ABLIM2: variants seen among roughly 807,000 people sequenced by gnomAD.
ABLIM2 encodes the protein actin-binding LIM protein 2.
ABLIM2 carries 53 observed loss-of-function variants against 97.7 expected under a neutral mutation model. That is an observed-to-expected ratio of 0.54 (90% CI 0.44 to 0.68). The LOEUF (loss-of-function observed/expected upper bound fraction) is 0.68, where lower values mean the gene tolerates loss of function less well. ABLIM2 is among the 30% of genes least tolerant of loss of function. ABLIM2 has a pLI of 0.00. For synonymous variants in ABLIM2, 361 were observed against 345.8 expected (o/e 1.04, Z -0.49); for missense variants, 835 against 867.2 (o/e 0.96, Z 0.47).
At position 8,029,623 on chromosome 4, in the gene ABLIM2, C is replaced by T. The variant is rs1484134454; in HGVS notation, c.1168+33G>A. The T allele has an allele frequency of 4.2e-6, 6 of 1,441,180 alleles. No individual in the cohort carries two copies. In the South Asian group the frequency reaches 8.4e-5, roughly 20 times the overall value. 89.3% of individuals were successfully genotyped at this position (1,441,180 alleles called of 1,614,324 possible). A position where few individuals can be genotyped will look rare whatever the true frequency, so the allele number is the denominator to read the frequency against. On this transcript the variant is annotated intron_variant, in intron 11 of 20. Transcript: ENST00000447017. ...AAAAAAAAAGGAAAAGGACAGCATCCTGGGGGCTCAGAGGAACCAGGGGGC... is the reference window on the plus strand; with the variant it reads ...AAAAAAAAAGGAAAAGGACAGCATCTTGGGGGCTCAGAGGAACCAGGGGGC...
chr4:8,067,335 G>A lies in ABLIM2; in HGVS notation c.676-6281C>T, dbSNP rs1808610423. ...ACACAGGAAAAGGAAGGGTCGCAGA[G>A]CTCCTAGTGAGCTGGGGGCAGAGAC... is the stretch of plus-strand genomic sequence containing the variant. On this transcript the variant is annotated intron_variant, in intron 6 of 20. Transcript: ENST00000447017. The surrounding 1 kb of genome is among the most constrained non-coding windows in gnomAD (Gnocchi z 5.4). 6.6e-6 allele frequency: 1 copy of A among 152,446 alleles called. No individual in the cohort carries two copies. The highest frequency in any genetic ancestry group is 1.5e-5 in the Non-Finnish European group (1 of 68,206). 9.4% of individuals were successfully genotyped at this position (152,446 alleles called of 1,614,324 possible). A position where few individuals can be genotyped will look rare whatever the true frequency, so the allele number is the denominator to read the frequency against.
At chr4:7,981,012 C>T (rs1326410968) in intron 20 of ABLIM2, among the ~76,000 whole-genome samples, 9 of 140,008 alleles carry the variant, frequency 6.4e-5, no homozygotes, top group African/African-American at 1.4e-4. Context: ...GGCACGATCT[C>T]GGCTCACTGC....
rs557210970 is a variant in ABLIM2 at position 8,068,059 on chromosome 4, C to T, written c.676-7005G>A. Among the ~76,000 whole-genome samples, 5 of 152,096 alleles carry T rather than the reference C, an allele frequency of 3.3e-5. No individual in the cohort carries two copies. The South Asian group carries it at 1.0e-3, about 32-fold the overall frequency. ...CCCTGTGTCACCTCCTGTTGTCATTCCCATTCTCTCATAGTGACTGGGGCG... is the reference window on the plus strand; with the variant it reads ...CCCTGTGTCACCTCCTGTTGTCATTTCCATTCTCTCATAGTGACTGGGGCG... On this transcript the variant is annotated intron_variant, in intron 6 of 20. Transcript: ENST00000447017. The surrounding 1 kb of genome is among the most constrained non-coding windows in gnomAD (Gnocchi z 4.5).
rs912124008 is a variant in ABLIM2 at position 8,087,466 on chromosome 4, C to T, written c.454+703G>A. On this transcript the variant is annotated intron_variant, in intron 4 of 20. Transcript: ENST00000447017. This position sits in a 1 kb window ranked among gnomAD's most constrained non-coding sequence, Gnocchi z 4.6. ...ACTGCATACACACCTGGCCTAACTC[C>T]TGGGAGGTGGAGCAGTGAACCCAAG... 2.6e-5 allele frequency among the ~76,000 whole-genome samples: 4 copies of T among 152,202 alleles called. No individual in the cohort carries two copies. Among genetic ancestry groups the T allele is most frequent in the Non-Finnish European group, 5.9e-5 (4 of 68,024 alleles).
chr4:8,084,401 TCTC>T (rs886843837), intron 4 of ABLIM2, among the ~76,000 whole-genome samples: 1 of 151,992 alleles, frequency 6.6e-6, no homozygotes, highest in African/African-American at 2.4e-5. Context: ...ACCTCGAGGC[TCTC>T]CTGTTTCCCA....
chr4:8,099,779 A>G (rs1371295049), intron 2 of ABLIM2, among the ~76,000 whole-genome samples: 1 of 152,116 alleles, frequency 6.6e-6, no homozygotes, highest in Non-Finnish European at 1.5e-5. Flanking sequence ...TGGGAGGCGG[A>G]GCTTGCAGTG....
At chr4:8,056,787 CT>C (rs1237104100) in intron 7 of ABLIM2, among the ~76,000 whole-genome samples, 1 of 151,598 alleles carries the variant, frequency 6.6e-6, no homozygotes, top group South Asian at 2.1e-4. Flanking sequence ...AAAAAATTAG[CT>C]GGGCATGGTG....
chr4:8,018,367 TG>T (rs1312303474), intron 14 of ABLIM2, among the ~76,000 whole-genome samples: 1 of 152,244 alleles, frequency 6.6e-6, no homozygotes, highest in Non-Finnish European at 1.5e-5. Context: ...CTCCTTCTTT[TG>T]GCCAGGCCTC....
At chr4:8,073,338 C>A (rs1813691045) in intron 6 of ABLIM2, among the ~76,000 whole-genome samples, 1 of 150,956 alleles carries the variant, frequency 6.6e-6, no homozygotes. Flanking sequence ...CTTTGTCAAG[C>A]AGAAGACAAG....
In ABLIM2 at chr4:8,082,367, G is replaced by A. The variant is rs555793759; in HGVS notation, c.455-1565C>T. Among the ~76,000 whole-genome samples the A allele has an allele frequency of 2.0e-5, 3 of 152,280 alleles. No homozygotes were observed. The highest frequency in any genetic ancestry group is 2.1e-4 in the South Asian group (1 of 4,824). On this transcript the variant is annotated intron_variant, in intron 4 of 20. Coordinates refer to ENST00000447017, the MANE Select transcript of ABLIM2 (RefSeq NM_001130083.2). The surrounding 1 kb of genome is among the most constrained non-coding windows in gnomAD (Gnocchi z 5.6). ...TCACCTCCTCACTTGGTGCCTGCCC[G>A]GATCCAGTGCTAATTTACACAGAAG...
chr4:7,975,426 C>T (rs1170416135), intron 20 of ABLIM2, among the ~76,000 whole-genome samples: 1 of 152,176 alleles, frequency 6.6e-6, no homozygotes, highest in Non-Finnish European at 1.5e-5. Flanking sequence ...ACAGCTTCTC[C>T]ACACTCCTGC....
Position 8,097,164 on chromosome 4 carries a change from C to T in ABLIM2, c.273G>A (p.Glu91=). 6.2e-7 allele frequency: 1 copy of T among 1,610,226 alleles called. No homozygotes were observed. Residue 91 remains glutamate (E), a synonymous_variant, in exon 3 of 21, where the codon GAG becomes GAA. Coordinates refer to ENST00000447017, the MANE Select transcript of ABLIM2 (RefSeq NM_001130083.2). ...TRCFSCDQFI[E]GEVVSALGKT... ...TGCCCAGCGCCGACACCACCTCACC[C>T]TCAATGAACTGGTCGCAGCTGAAGC... is the stretch of plus-strand genomic sequence containing the variant.
In ABLIM2 at chr4:8,071,107, C is replaced by A. The variant is rs954729785; in HGVS notation, c.675+6521G>T. Among the ~76,000 whole-genome samples the A allele has an allele frequency of 6.6e-6, 1 of 152,182 alleles. No homozygotes were observed. Among genetic ancestry groups the A allele is most frequent in the African/African-American group, 2.4e-5 (1 of 41,442 alleles). ...CCTTTATGCAGCCCTGGTCTAGAGG[C>A]TGGTCACACCGCTGTCCCCGTGGAT... On this transcript the variant is annotated intron_variant, in intron 6 of 20. Transcript: ENST00000447017. This position sits in a 1 kb window ranked among gnomAD's most constrained non-coding sequence, Gnocchi z 6.2.
At position 8,113,455 on chromosome 4, in the gene ABLIM2, C is replaced by T. The variant is rs1309470500; in HGVS notation, c.11-6818G>A. Among the ~76,000 whole-genome samples the T allele has an allele frequency of 4.6e-5, 7 of 152,196 alleles. No homozygotes were observed. The highest frequency in any genetic ancestry group is 1.7e-4 in the African/African-American group (7 of 41,438). The stretch of plus-strand genomic sequence containing the variant: ...CCACGGATCTATATTTAGTTCCACC[C>T]TTCTCTAAGGGCCCAGTGAACTTTG... On this transcript the variant is annotated intron_variant, in intron 1 of 20. Coordinates refer to ENST00000447017, the MANE Select transcript of ABLIM2 (RefSeq NM_001130083.2). This position sits in a 1 kb window ranked among gnomAD's most constrained non-coding sequence, Gnocchi z 4.5.
chr4:8,076,200 C>T (rs1010824982), intron 6 of ABLIM2, among the ~76,000 whole-genome samples: 7 of 152,230 alleles, frequency 4.6e-5, no homozygotes, highest in African/African-American at 9.6e-5. Flanking sequence ...CCCGTCTCCC[C>T]GCCAGGTAGA....
chr4:8,105,857 T>C (rs1273471849), intron 2 of ABLIM2, among the ~76,000 whole-genome samples: 1 of 152,208 alleles, frequency 6.6e-6, no homozygotes, highest in Non-Finnish European at 1.5e-5. Flanking sequence ...TATCTTTGTA[T>C]AGGAAGGAGG....
chr4:7,972,156 C>T (rs1728635140), intron 20 of ABLIM2, among the ~76,000 whole-genome samples: 1 of 152,210 alleles, frequency 6.6e-6, no homozygotes, highest in Non-Finnish European at 1.5e-5. Context: ...CCTCCATACC[C>T]CGGGACCTCT....
rs1811796624 is a variant in ABLIM2, at chr4:8,071,219, C to T, written c.675+6409G>A. ...CTGCCACAGTTGCTGCCAGGCGCCA[C>T]CCACCTCTGCTGCCCCAGCCCAGTG... On this transcript the variant is annotated intron_variant, in intron 6 of 20. Transcript: ENST00000447017. This position sits in a 1 kb window ranked among gnomAD's most constrained non-coding sequence, Gnocchi z 6.2. Among the ~76,000 whole-genome samples the T allele has an allele frequency of 6.6e-6, 1 of 152,158 alleles. No homozygotes were observed. The highest frequency in any genetic ancestry group is 2.4e-5 in the African/African-American group (1 of 41,434).
intron 12 of ABLIM2, among the ~76,000 whole-genome samples, chr4:8,026,234 T>C (rs1777255643): frequency 6.6e-6 from 1 of 152,200 alleles, no homozygotes; most frequent in South Asian, 2.1e-4. Flanking sequence ...ACTCTTGGCC[T>C]CAAGTGATTC....
Sources: allele counts gnomAD v4.1 joint callset (sites outside exome capture counted in the v4.1 genomes callset), GRCh38; gene constraint gnomAD v4.1.1; non-coding constraint Gnocchi (gnomAD v3.1); transcripts MANE v1.5; gene names NCBI Gene and HGNC (gene_info 2026-07-23, HGNC 2026-07-21).